Variants in TTLL11 observed in about 807,000 individuals in gnomAD.
TTLL11 encodes tubulin polyglutamylase TTLL11.
A neutral mutation model predicts 51.7 loss-of-function variants in TTLL11; 42 were observed. The ratio of observed to expected loss-of-function variants is 0.81; its 90% CI spans 0.64 to 1.05. TTLL11 has a LOEUF of 1.05. Among genes scored for constraint, TTLL11 ranks in the 50% least tolerant of loss-of-function variants. TTLL11 has a pLI of 0.00. For missense variants in TTLL11, 799 were observed against 940.4 expected, an observed-to-expected ratio of 0.85 and a Z score of 1.97; for synonymous variants, 381 against 383.5, an observed-to-expected ratio of 0.99 and a Z score of 0.08.
At chr9:122,002,913 T>C (rs1588195310) in intron 3 of TTLL11, among the ~76,000 whole-genome samples, 1 of 125,260 alleles carries the variant, frequency 8.0e-6, no homozygotes, top group African/African-American at 3.3e-5. Flanking sequence ...ACCACTGCAC[T>C]CCAGCCTGGC....
Position 122,072,836 on chromosome 9 carries a change from C to T in TTLL11, c.462+19851G>A, listed in dbSNP as rs563390573. Among the ~76,000 whole-genome samples the T allele has an allele frequency of 8.5e-5, 13 of 152,218 alleles. No individual in the cohort carries two copies. The East Asian group carries it at 2.3e-3, about 27-fold the overall frequency. On this transcript the variant is annotated intron_variant, in intron 1 of 8. Coordinates refer to ENST00000321582, the MANE Select transcript of TTLL11 (RefSeq NM_001139442.2). The stretch of plus-strand genomic sequence containing the variant: ...CAGCCGTCCCTCCCCTCCTCCTTCC[C>T]TGTAACATCGCGCTTCCTACACCGG...
chr9:122,043,767 G>A (rs1428789029), intron 1 of TTLL11, among the ~76,000 whole-genome samples: 1 of 151,942 alleles, frequency 6.6e-6, no homozygotes, highest in Non-Finnish European at 1.5e-5. Context: ...GAGTGAAAAG[G>A]TAACCCACAG....
At chr9:121,922,149 G>A (rs1277341263) in intron 6 of TTLL11, among the ~76,000 whole-genome samples, 1 of 152,160 alleles carries the variant, frequency 6.6e-6, no homozygotes, top group Non-Finnish European at 1.5e-5. Flanking sequence ...ACCAGCCAAG[G>A]AGGGACAACT....
At chr9:122,001,404 G>T (rs1364709891) in intron 3 of TTLL11, among the ~76,000 whole-genome samples, 1 of 151,822 alleles carries the variant, frequency 6.6e-6, no homozygotes. Flanking sequence ...GCACCCAGCT[G>T]CAACACTGTT....
rs1564282923 is a variant in TTLL11, at chr9:121,873,645, T to TC, written c.1482-2898_1482-2897insG. The stretch of plus-strand genomic sequence containing the variant: ...TCCTCCTCCTCCTCCTCCTCCTCTC[T>TC]TCTTCTTCTTCTTCTTCTTCTTCTT... On this transcript the variant is annotated intron_variant, in intron 6 of 8. Transcript: ENST00000321582. 4.7e-3 allele frequency among the ~76,000 whole-genome samples: 663 copies of TC among 141,088 alleles called. 1 individual carries two copies. The highest frequency in any genetic ancestry group is 7.2e-3 in the Middle Eastern group (2 of 276). 92.6% of individuals were successfully genotyped at this position (141,088 alleles called of 152,430 possible).
intron 6 of TTLL11, among the ~76,000 whole-genome samples, chr9:121,871,545 G>A (rs894500431): frequency 1.3e-5 from 2 of 152,116 alleles, no homozygotes; most frequent in Admixed American, 6.6e-5. Context: ...GCCCCTGCTT[G>A]GACTGTAGCA....
intron 4 of TTLL11, among the ~76,000 whole-genome samples, chr9:121,984,121 A>T (rs964580486): frequency 2.0e-5 from 3 of 152,162 alleles, no homozygotes; most frequent in Non-Finnish European, 4.4e-5. Flanking sequence ...TCTGTTTTTC[A>T]AGACTGCAGA....
At position 121,989,877 on chromosome 9, in the gene TTLL11, C is replaced by G; in HGVS notation, c.694-107G>C. ...GTGGTGAATGAGTGACAAGATGATC[C>G]CTGCCGATCTGAGCAGGGGCTGAGC... is the stretch of plus-strand genomic sequence containing the variant. On this transcript the variant is annotated intron_variant, in intron 3 of 8. Transcript: ENST00000321582. This position sits in a 1 kb window ranked among gnomAD's most constrained non-coding sequence, Gnocchi z 4.2. 1 of 1,505,418 alleles carries G rather than the reference C, an allele frequency of 6.6e-7. No individual in the cohort carries two copies. The highest frequency in any genetic ancestry group is 8.8e-7 in the Non-Finnish European group (1 of 1,136,740). The allele number at this position is 1,505,418 out of a possible 1,614,324, so 93.3% of individuals were successfully genotyped here. A position where few individuals can be genotyped will look rare whatever the true frequency, so the allele number is the denominator to read the frequency against.
At chr9:122,015,667 C>T (rs1164200539) in intron 3 of TTLL11, among the ~76,000 whole-genome samples, 1 of 151,760 alleles carries the variant, frequency 6.6e-6, no homozygotes, top group African/African-American at 2.4e-5. Flanking sequence ...GGCCACCTGG[C>T]GCTCCCACCG....
At chr9:121,830,664 A>G (rs1355925635) in intron 8 of TTLL11, among the ~76,000 whole-genome samples, 1 of 152,218 alleles carries the variant, frequency 6.6e-6, no homozygotes, top group Non-Finnish European at 1.5e-5. Flanking sequence ...GAAACCGCAC[A>G]GCCCCAGATT....
At chr9:121,931,692 C>T (rs1840989355) in intron 6 of TTLL11, among the ~76,000 whole-genome samples, 1 of 151,742 alleles carries the variant, frequency 6.6e-6, no homozygotes, top group Non-Finnish European at 1.5e-5. Context: ...TCCCTCAGAG[C>T]ATGCTGAGAA....
At chr9:121,876,150 A>C (rs1314635413) in intron 6 of TTLL11, among the ~76,000 whole-genome samples, 1 of 152,252 alleles carries the variant, frequency 6.6e-6, no homozygotes, top group Admixed American at 6.5e-5. Context: ...CAGGATTTAC[A>C]CTTGGGACTG....
At chr9:121,854,145 A>G (rs1837748444) in intron 8 of TTLL11, among the ~76,000 whole-genome samples, 1 of 152,160 alleles carries the variant, frequency 6.6e-6, no homozygotes, top group African/African-American at 2.4e-5. Flanking sequence ...CAAGTGACCA[A>G]GCGCAGATTG....
Position 121,853,437 on chromosome 9 carries a change from T to A in TTLL11, c.1840+6900A>T, listed in dbSNP as rs1837724105. ...GTGAGGGAGGGGACCTGGGGGGTGG[T>A]GGTGAGCAAGGAGAGGGGGTTCCTG... On this transcript the variant is annotated intron_variant, in intron 8 of 8. Coordinates refer to ENST00000321582, the MANE Select transcript of TTLL11 (RefSeq NM_001139442.2). This position sits in a 1 kb window ranked among gnomAD's most constrained non-coding sequence, Gnocchi z 5.6. Among the ~76,000 whole-genome samples, 1 of 50,636 alleles carries A rather than the reference T, an allele frequency of 2.0e-5. No individual in the cohort carries two copies. Among genetic ancestry groups the A allele is most frequent in the Non-Finnish European group, 3.9e-5 (1 of 25,890 alleles). 33.2% of individuals were successfully genotyped at this position (50,636 alleles called of 152,430 possible).
chr9:121,910,296 T>C (rs1399313196), intron 6 of TTLL11, among the ~76,000 whole-genome samples: 1 of 152,224 alleles, frequency 6.6e-6, no homozygotes, highest in East Asian at 1.9e-4. Flanking sequence ...TCTTACACTC[T>C]TTCTCTCATG....
At chr9:121,957,277 C>T (rs983325353) in intron 6 of TTLL11, among the ~76,000 whole-genome samples, 2 of 152,166 alleles carry the variant, frequency 1.3e-5, no homozygotes, top group African/African-American at 4.8e-5. Context: ...AGGCCCTCCA[C>T]CACCATGGGA....
rs1588196932 is a variant in TTLL11 at position 122,004,554 on chromosome 9, T to A, written c.694-14784A>T. 1.3e-5 allele frequency among the ~76,000 whole-genome samples: 2 copies of A among 152,260 alleles called. 1 individual carries two copies. Among genetic ancestry groups the A allele is most frequent in the South Asian group, 4.1e-4 (2 of 4,820 alleles). On this transcript the variant is annotated intron_variant, in intron 3 of 8. Coordinates refer to ENST00000321582, the MANE Select transcript of TTLL11 (RefSeq NM_001139442.2). ...TTTTAGCAGAGACAGTGTTTCACCA[T>A]GTTGGTCAGGCTGGTCTCAAACTCC...
intron 6 of TTLL11, among the ~76,000 whole-genome samples, chr9:121,952,439 C>T (rs930262017): frequency 9.3e-5 from 6 of 64,236 alleles, no homozygotes; most frequent in Non-Finnish European, 1.6e-4. Flanking sequence ...AGCAAGACTC[C>T]GCCTCAAAAA....
chr9:122,086,857 C>CA lies in TTLL11; in HGVS notation c.462+5829dup, dbSNP rs765580601. On this transcript the variant is annotated intron_variant, in intron 1 of 8. Transcript: ENST00000321582. ...AAACACTTAAAAGTGGGTTTTGGAA[C>CA]AAAAAAAGGCTACTGTTTGAACCCT... Among the ~76,000 whole-genome samples, 4 of 152,114 alleles carry CA rather than the reference C, an allele frequency of 2.6e-5. No homozygotes were observed. In the East Asian group the frequency reaches 5.8e-4, roughly 22 times the overall value.
Sources: allele counts gnomAD v4.1 joint callset (sites outside exome capture counted in the v4.1 genomes callset), GRCh38; gene constraint gnomAD v4.1.1; non-coding constraint Gnocchi (gnomAD v3.1); transcripts MANE v1.5; gene names NCBI Gene and HGNC (gene_info 2026-07-23, HGNC 2026-07-21).